Variants in IGHMBP2 observed in about 807,000 individuals in gnomAD.
IGHMBP2 encodes immunoglobulin mu DNA binding protein 2.
In IGHMBP2, 81 loss-of-function variants were observed where a neutral mutation model predicts 96.0. The ratio of observed to expected loss-of-function variants is 0.84; its 90% CI spans 0.71 to 1.01. The LOEUF (loss-of-function observed/expected upper bound fraction) is 1.01. Among genes scored for constraint, IGHMBP2 ranks in the 50% least tolerant of loss-of-function variants. The probability of loss-of-function intolerance (pLI) is 0.00; values close to 1 mark genes in which losing one functional copy is unlikely to be tolerated. For missense variants in IGHMBP2, 1,227 were observed against 1,306.3 expected (o/e 0.94, Z 0.94); for synonymous variants, 557 against 548.9 (o/e 1.01, Z -0.21).
Position 68,917,711 on chromosome 11 carries a change from G to A in IGHMBP2, c.913-25G>A, listed in dbSNP as rs755949159. ...AGTACAAAGTTGGACTGAAGTAAGT[G>A]TATCTCCTTTGTTTTTCTTTATAGG... On this transcript the variant is annotated intron_variant, in intron 6 of 14. Coordinates refer to ENST00000255078, the MANE Select transcript of IGHMBP2 (RefSeq NM_002180.3). 2.5e-6 allele frequency: 4 copies of A among 1,592,730 alleles called. No homozygotes were observed. The South Asian group carries it at 3.3e-5, about 13-fold the overall frequency.
intron 10 of IGHMBP2, chr11:68,934,169 G>T (rs932587590): frequency 1.6e-5 from 10 of 610,048 alleles, no homozygotes; most frequent in Non-Finnish European, 2.9e-5. Context: ...TGCCTGGCTG[G>T]TCTGGTGATG....
At chr11:68,910,106 CTA>C (rs1858374041) in intron 4 of IGHMBP2, among the ~76,000 whole-genome samples, 1 of 152,238 alleles carries the variant, frequency 6.6e-6, no homozygotes, top group South Asian at 2.1e-4. Flanking sequence ...CAGCTATTTT[CTA>C]TCATACTGTG....
At chr11:68,915,388 C>T (rs564302513) in intron 6 of IGHMBP2, among the ~76,000 whole-genome samples, 1 of 151,944 alleles carries the variant, frequency 6.6e-6, no homozygotes, top group Non-Finnish European at 1.5e-5. Flanking sequence ...TCATACTGGT[C>T]AGGCTGGTCT....
At chr11:68,935,110 G>A (rs1265104937) in intron 11 of IGHMBP2, among the ~76,000 whole-genome samples, 189 bp from the exon 12 acceptor site, 1 of 152,250 alleles carries the variant, frequency 6.6e-6, no homozygotes, top group Non-Finnish European at 1.5e-5. Flanking sequence ...GGGACAGGGT[G>A]TGGTATTGGC....
chr11:68,906,523 AC>A (rs1407339354), intron 2 of IGHMBP2: 7 of 424,824 alleles, frequency 1.6e-5, no homozygotes, highest in East Asian at 4.4e-5. Context: ...TGTTAAAAAA[AC>A]AATTGGGAAT....
chr11:68,913,611 C>T (rs188636537), intron 5 of IGHMBP2, among the ~76,000 whole-genome samples: 30 of 151,906 alleles, frequency 2.0e-4, no homozygotes, highest in African/African-American at 6.7e-4. Context: ...ACTTGGCCAG[C>T]GTCTCACTTT....
intron 1 of IGHMBP2, among the ~76,000 whole-genome samples, chr11:68,904,803 CT>C (rs1555241972): frequency 3.4e-4 from 41 of 120,972 alleles, no homozygotes; most frequent in East Asian, 4.5e-4. Context: ...TTTTCTTTTT[CT>C]TTTTTTTTTT....
chr11:68,927,142 G>C (rs1347078939), intron 7 of IGHMBP2, among the ~76,000 whole-genome samples: 1 of 152,108 alleles, frequency 6.6e-6, no homozygotes, highest in Non-Finnish European at 1.5e-5. Context: ...GTAGTTTTTT[G>C]TTGAAAATGG....
chr11:68,936,219 C>A lies in IGHMBP2; in HGVS notation c.1757-18C>A, dbSNP rs77247855. 1.3e-3 allele frequency: 2,125 copies of A among 1,613,522 alleles called. 25 individuals are homozygous for A. In the African/African-American group the frequency reaches 0.025, roughly 19 times the overall value. On this transcript the variant is annotated intron_variant, in intron 12 of 14. Transcript: ENST00000255078. ...TTAGTCTGAAACCTGCTTCTCACTC[C>A]CCTCTGGCCTTTTGTAGGTGAAGTT...
At chr11:68,938,064 A>G in intron 13 of IGHMBP2, 118 bp from the exon 14 acceptor site, 4 of 1,185,246 alleles carry the variant, frequency 3.4e-6, no homozygotes, top group Non-Finnish European at 5.0e-6. Flanking sequence ...TCAGCCTCCC[A>G]AAATGCTGGG....
intron 7 of IGHMBP2, among the ~76,000 whole-genome samples, chr11:68,918,672 C>T (rs1287111657): frequency 6.6e-6 from 1 of 151,956 alleles, no homozygotes; most frequent in Non-Finnish European, 1.5e-5. Flanking sequence ...ACCAAAAAAA[C>T]AAAGCAAAAC....
chr11:68,906,640 C>CTTTTT (rs60710565), intron 2 of IGHMBP2, among the ~76,000 whole-genome samples: 350 of 117,442 alleles, frequency 3.0e-3, no homozygotes, highest in Non-Finnish European at 4.1e-3. Context: ...CATTTCTTTT[C>CTTTTT]TTTTTTTTTT....
intron 6 of IGHMBP2, among the ~76,000 whole-genome samples, chr11:68,916,497 C>T (rs1389121856): frequency 2.6e-5 from 4 of 152,196 alleles, no homozygotes; most frequent in Non-Finnish European, 4.4e-5. Flanking sequence ...ACTGTCGGTA[C>T]TGGTACTCCT....
chr11:68,909,261 C>T (rs1010866918), intron 4 of IGHMBP2, among the ~76,000 whole-genome samples: 1 of 147,304 alleles, frequency 6.8e-6, no homozygotes, highest in Non-Finnish European at 1.5e-5. Flanking sequence ...CTCACTGCAA[C>T]CTCCGCCTCC....
At chr11:68,933,655 C>A (rs1357896599) in intron 9 of IGHMBP2, 140 bp from the exon 10 acceptor site, 8 of 995,458 alleles carry the variant, frequency 8.0e-6, no homozygotes, top group Non-Finnish European at 1.2e-5. Context: ...AGGCCCGCTC[C>A]CTCCCTTCTG....
At chr11:68,914,460 A>C (rs2154007169) in intron 5 of IGHMBP2, among the ~76,000 whole-genome samples, 1 of 152,286 alleles carries the variant, frequency 6.6e-6, no homozygotes, top group African/African-American at 2.4e-5. Flanking sequence ...AGGGGAGCAT[A>C]CAGATGGGCA....
chr11:68,913,656 T>C lies in IGHMBP2; in HGVS notation c.712-1167T>C, dbSNP rs372571651. ...AGCTGTGGCTGGGTGCAGCGGCTCA[T>C]GTCTGTTATCCTAGCGCTTTGGGAG... On this transcript the variant is annotated intron_variant, in intron 5 of 14. Coordinates refer to ENST00000255078, the MANE Select transcript of IGHMBP2 (RefSeq NM_002180.3). Among the ~76,000 whole-genome samples, 429 of 152,116 alleles carry C rather than the reference T, an allele frequency of 2.8e-3. 2 individuals carry two copies. Among genetic ancestry groups the C allele is most frequent in the African/African-American group, 9.8e-3 (407 of 41,544 alleles).
Position 68,906,118 on chromosome 11 carries a change from T to G in IGHMBP2, c.136T>G (p.Cys46Gly), listed in dbSNP as rs982646623. ...SLKELQSRGV[C>G]LLKLQVSSQR... ...GAAAGAGCTCCAGAGCCGAGGCGTGTGTTTGCTGAAGCTGCAGGTATCCAG... is the reference window on the plus strand; with the variant it reads ...GAAAGAGCTCCAGAGCCGAGGCGTGGGTTTGCTGAAGCTGCAGGTATCCAG... Residue 46 changes from cysteine (C) to glycine (G), a missense_variant, in exon 2 of 15, where the codon TGT (cysteine) becomes GGT (glycine). Cys to Gly is a radical substitution (Grantham distance 159). Transcript: ENST00000255078. The G allele has an allele frequency of 1.9e-6, 3 of 1,614,106 alleles. No individual in the cohort carries two copies. In the African/African-American group the frequency reaches 4.0e-5, roughly 22 times the overall value.
rs1442536361 is a variant in IGHMBP2, at chr11:68,911,477, C to T, written c.585C>T (p.Ser195=). 1.2e-6 allele frequency: 2 copies of T among 1,613,990 alleles called. No homozygotes were observed. The highest frequency in any genetic ancestry group is 1.7e-6 in the Non-Finnish European group (2 of 1,180,028). ...LTFFNTCLDT[S]QKEAVLFALS... is the part of the protein sequence containing the mutation. ...TCTTCAACACCTGCCTGGACACCTC[C>T]CAGAAAGAAGCGGTTTTATTTGCGC... Residue 195 remains serine, a synonymous_variant, in exon 5 of 15, where the codon TCC becomes TCT. Coordinates refer to ENST00000255078, the MANE Select transcript of IGHMBP2 (RefSeq NM_002180.3).
Sources: allele counts gnomAD v4.1 joint callset (sites outside exome capture counted in the v4.1 genomes callset), GRCh38; gene constraint gnomAD v4.1.1; transcripts MANE v1.5; gene names NCBI Gene and HGNC (gene_info 2026-07-23, HGNC 2026-07-21).